Variants in MRPS6 observed in about 807,000 individuals in gnomAD.
The protein encoded by MRPS6 is small ribosomal subunit protein bS6m.
In MRPS6, 6 loss-of-function variants were observed where a neutral mutation model predicts 13.1. The observed-to-expected ratio is 0.46, with a 90% CI of 0.25 to 0.91. MRPS6 has a LOEUF of 0.91. MRPS6 is among the 40% of genes least tolerant of loss of function. The probability of loss-of-function intolerance (pLI) is 0.18; values close to 1 mark genes in which losing one functional copy is unlikely to be tolerated. For synonymous variants in MRPS6, 61 were observed against 56.5 expected, an observed-to-expected ratio of 1.08 and a Z score of -0.36; for missense variants, 164 against 155.6, an observed-to-expected ratio of 1.05 and a Z score of -0.29.
chr21:34,138,803 G>C (rs1265280904), intron 2 of MRPS6, among the ~76,000 whole-genome samples: 2 of 152,084 alleles, frequency 1.3e-5, no homozygotes. Flanking sequence ...TCTAGAACTG[G>C]AAATACCATT....
intron 1 of MRPS6, chr21:34,123,492 C>T (rs2148668345): frequency 6.6e-6 from 1 of 152,162 alleles, no homozygotes; most frequent in African/African-American, 2.4e-5. Flanking sequence ...CACTTAATAG[C>T]TGCCCTGTCA....
At chr21:34,127,809 G>A (rs1980360858) in intron 2 of MRPS6, among the ~76,000 whole-genome samples, 1 of 152,220 alleles carries the variant, frequency 6.6e-6, no homozygotes, top group Non-Finnish European at 1.5e-5. Flanking sequence ...TTAGAAACAT[G>A]TAATAAGTGG....
intron 1 of MRPS6, among the ~76,000 whole-genome samples, chr21:34,112,619 C>G (rs1979747894): frequency 6.6e-6 from 1 of 152,190 alleles, no homozygotes; most frequent in South Asian, 2.1e-4. Context: ...CAGACAATTA[C>G]TTACCTACTT....
At chr21:34,142,243 G>T (rs564160981) in intron 2 of MRPS6, among the ~76,000 whole-genome samples, 165 bp from the exon 3 acceptor site, 1 of 152,284 alleles carries the variant, frequency 6.6e-6, no homozygotes, top group East Asian at 1.9e-4. Context: ...ATTCTGTTTA[G>T]CTGGTCAGCT....
At chr21:34,125,615 C>A in intron 2 of MRPS6, 135 bp downstream of exon 2, 1 of 1,324,508 alleles carries the variant, frequency 7.5e-7, no homozygotes, top group Non-Finnish European at 1.0e-6. Context: ...GGTACACACT[C>A]TGGCAGTCTT....
chr21:34,123,940 G>GA (rs920276637), intron 1 of MRPS6: 3 of 152,098 alleles, frequency 2.0e-5, no homozygotes, highest in African/African-American at 7.2e-5. Context: ...CCTATTTGAT[G>GA]ATACGTTTTA....
intron 1 of MRPS6, among the ~76,000 whole-genome samples, chr21:34,089,580 G>A (rs1329699858): frequency 6.6e-6 from 1 of 152,122 alleles, no homozygotes; most frequent in Non-Finnish European, 1.5e-5. Context: ...AAATCTGGTG[G>A]TTTATGAACT....
At chr21:34,081,564 C>T (rs1989459825) in intron 1 of MRPS6, among the ~76,000 whole-genome samples, 1 of 152,110 alleles carries the variant, frequency 6.6e-6, no homozygotes, top group Admixed American at 6.5e-5. Context: ...CATTGGGAGA[C>T]TAGAAGGAGC....
chr21:34,132,137 A>G (rs575987905), intron 2 of MRPS6, among the ~76,000 whole-genome samples: 1 of 152,210 alleles, frequency 6.6e-6, no homozygotes, highest in East Asian at 1.9e-4. Flanking sequence ...ACTTCTGGTC[A>G]GTTCTCTTGT....
chr21:34,103,462 T>C (rs1212925653), intron 1 of MRPS6: 1 of 998,802 alleles, frequency 1.0e-6, no homozygotes, highest in Non-Finnish European at 1.2e-6. Flanking sequence ...TTACTTATGT[T>C]CTGTGATCTT....
At chr21:34,088,189 T>A (rs1303189848) in intron 1 of MRPS6, among the ~76,000 whole-genome samples, 1 of 9,376 alleles carries the variant, frequency 1.1e-4, no homozygotes, top group Non-Finnish European at 1.9e-4. Flanking sequence ...TGATAAAGAT[T>A]GGCTTAGATA....
At chr21:34,100,491 C>G in intron 1 of MRPS6, 2 of 1,000,204 alleles carry the variant, frequency 2.0e-6, no homozygotes, top group Non-Finnish European at 2.4e-6. Context: ...GTCCTTCGGC[C>G]TAAATTCAAT....
At chr21:34,126,494 C>T (rs1233663569) in intron 2 of MRPS6, among the ~76,000 whole-genome samples, 1 of 152,238 alleles carries the variant, frequency 6.6e-6, no homozygotes, top group East Asian at 1.9e-4. Flanking sequence ...GAGAACACCT[C>T]TGAAGAGAAT....
chr21:34,078,168 C>T (rs1033736890), intron 1 of MRPS6, among the ~76,000 whole-genome samples: 5 of 152,100 alleles, frequency 3.3e-5, no homozygotes, highest in Non-Finnish European at 7.4e-5. Flanking sequence ...ATGGGCCCTC[C>T]CTAAACAGCT....
chr21:34,095,756 T>A (rs1341234779), intron 1 of MRPS6: 5 of 1,614,112 alleles, frequency 3.1e-6, no homozygotes, highest in Non-Finnish European at 4.2e-6. Context: ...ACACAGACAC[T>A]CTGCAGGCTC....
At position 34,142,807 on chromosome 21, in the gene MRPS6, C is replaced by A; in HGVS notation, c.*207C>A. ...GACAGCTTCTCTGTAACCTGCAGTACCAGTGGATCGTTCTTGATTTTGTTT... is the reference window on the plus strand; with the variant it reads ...GACAGCTTCTCTGTAACCTGCAGTAACAGTGGATCGTTCTTGATTTTGTTT... On this transcript the variant is annotated 3_prime_UTR_variant, in exon 3 of 3. Transcript: ENST00000399312. The A allele has an allele frequency of 2.2e-6, 1 of 464,148 alleles. No homozygotes were observed. Among genetic ancestry groups the A allele is most frequent in the South Asian group, 5.1e-5 (1 of 19,522 alleles). 28.8% of individuals were successfully genotyped at this position (464,148 alleles called of 1,614,324 possible).
At chr21:34,086,955 A>G (rs960978655) in intron 1 of MRPS6, among the ~76,000 whole-genome samples, 5 of 152,168 alleles carry the variant, frequency 3.3e-5, no homozygotes, top group African/African-American at 1.2e-4. Flanking sequence ...CCAGACAGAC[A>G]CGCACAGGGA....
intron 2 of MRPS6, among the ~76,000 whole-genome samples, chr21:34,133,752 A>C (rs1169584899): frequency 6.6e-6 from 1 of 152,192 alleles, no homozygotes; most frequent in Non-Finnish European, 1.5e-5. Flanking sequence ...AGGGCTTCAA[A>C]TGGAATGAAG....
chr21:34,135,752 T>C (rs1980675175), intron 2 of MRPS6: 2 of 465,306 alleles, frequency 4.3e-6, no homozygotes, highest in Non-Finnish European at 8.6e-6. Context: ...AGCAGGTGGA[T>C]GAAATGGAAG....
Sources: allele counts gnomAD v4.1 joint callset (sites outside exome capture counted in the v4.1 genomes callset), GRCh38; gene constraint gnomAD v4.1.1; transcripts MANE v1.5; gene names NCBI Gene and HGNC (gene_info 2026-07-23, HGNC 2026-07-21).